EIF2AK4: variants seen among roughly 807,000 people sequenced by gnomAD.
The protein encoded by EIF2AK4 is eukaryotic translation initiation factor 2 alpha kinase 4.
Under a neutral mutation model 211.1 loss-of-function variants are expected in EIF2AK4, and 139 were observed. The observed-to-expected ratio is 0.66, with a 90% CI of 0.57 to 0.76. The LOEUF (loss-of-function observed/expected upper bound fraction) is 0.76, where lower values mean the gene tolerates loss of function less well. EIF2AK4 is among the 30% of genes least tolerant of loss of function. The pLI is 0.00. For synonymous variants in EIF2AK4, 710 were observed against 751.3 expected (o/e 0.94, Z 0.90); for missense variants, 1,664 against 2,043.8 (o/e 0.81, Z 3.58).
intron 18 of EIF2AK4, among the ~76,000 whole-genome samples, chr15:39,993,612 A>G (rs1055568274): frequency 6.6e-6 from 1 of 152,260 alleles, no homozygotes; most frequent in Non-Finnish European, 1.5e-5. Context: ...TAAGACAGCC[A>G]AAAGGAAGGC....
intron 1 of EIF2AK4, among the ~76,000 whole-genome samples, chr15:39,934,791 G>A (rs75692511): frequency 1.3e-5 from 2 of 152,292 alleles, no homozygotes; most frequent in East Asian, 3.9e-4. Flanking sequence ...TCTCATCCAT[G>A]CATTCAAATC....
In EIF2AK4 at chr15:40,034,389, C is replaced by G. The variant is rs762015746; in HGVS notation, c.4837C>G (p.Gln1613Glu). The change falls in exon 38 of 39, where the codon CAA (glutamine) becomes GAA (glutamate). Residue 1613 changes from glutamine to glutamate, a missense_variant. Around this residue, in one of 7 missense-constraint regions of EIF2AK4, gnomAD observed 138 missense variants for 165.1 expected, o/e 0.84. Transcript: ENST00000263791. ...GCAGCTGCTGTCACGCCTGCCAAAG[C>G]AAAGATACCTCAAATTAGTCTGTGA... is the stretch of plus-strand genomic sequence containing the variant. ...VKQLLSRLPKQRYLKLVCDEI... is the reference protein window; with the variant it reads ...VKQLLSRLPKERYLKLVCDEI... 1.9e-6 allele frequency: 3 copies of G among 1,613,972 alleles called. No homozygotes were observed. Among genetic ancestry groups the G allele is most frequent in the South Asian group, 1.1e-5 (1 of 91,058 alleles).
chr15:39,942,496 G>A (rs911203321), intron 2 of EIF2AK4, among the ~76,000 whole-genome samples: 9 of 152,180 alleles, frequency 5.9e-5, no homozygotes, highest in African/African-American at 2.2e-4. Flanking sequence ...ATAGATAAGT[G>A]CATACTCAAG....
At position 39,943,480 on chromosome 15, in the gene EIF2AK4, G is replaced by A; in HGVS notation, c.355G>A (p.Gly119Arg). 1 of 1,574,814 alleles carries A rather than the reference G, an allele frequency of 6.3e-7. No individual in the cohort carries two copies. Among genetic ancestry groups the A allele is most frequent in the Non-Finnish European group, 8.6e-7 (1 of 1,167,116 alleles). The change falls in exon 3 of 39, where the codon GGG becomes AGG. Residue 119 changes from glycine (G) to arginine (R), a missense_variant. This residue lies in a region of EIF2AK4 where 641 missense variants were observed against 729.6 expected (regional missense o/e 0.88). Transcript: ENST00000263791. ...RLEELAKKHC[G>R]EVMIFELAYH... ...AGAAGAACTGGCCAAGAAACACTGT[G>A]GGGAGGTAAGATTTGTTAAACTGGA...
chr15:39,946,891 A>G lies in EIF2AK4; in HGVS notation c.361-2225A>G, dbSNP rs115661612. The G allele has an allele frequency of 9.5e-4, 503 of 530,202 alleles. 2 individuals carry two copies. The highest frequency in any genetic ancestry group is 8.7e-3 in the African/African-American group (456 of 52,456). 32.8% of individuals were successfully genotyped at this position (530,202 alleles called of 1,614,324 possible). A position where few individuals can be genotyped will look rare whatever the true frequency, so the allele number is the denominator to read the frequency against. ...TTAGCAATAAAGTATTTTAAAATTA[A>G]GGTATATACATTGATTTCTACAGAC... On this transcript the variant is annotated intron_variant, in intron 3 of 38. Coordinates refer to ENST00000263791, the MANE Select transcript of EIF2AK4 (RefSeq NM_001013703.4).
At chr15:40,008,301 A>T in intron 25 of EIF2AK4, 106 bp downstream of exon 25, 1 of 1,011,998 alleles carries the variant, frequency 9.9e-7, no homozygotes, top group South Asian at 1.9e-5. Context: ...TGTCCTGCAG[A>T]TGAATCACAT....
chr15:40,023,968 CAACA>C (rs929571817), intron 32 of EIF2AK4, among the ~76,000 whole-genome samples: 1 of 152,146 alleles, frequency 6.6e-6, no homozygotes, highest in Non-Finnish European at 1.5e-5. Context: ...TAAAAAACAA[CAACA>C]AACAAAGGAG....
intron 14 of EIF2AK4, 75 bp from the exon 15 acceptor site, chr15:39,987,908 T>A: frequency 5.9e-6 from 9 of 1,523,146 alleles, no homozygotes; most frequent in Non-Finnish European, 8.1e-6. Flanking sequence ...AAATGGAGGA[T>A]TATGTAAATT....
At chr15:39,934,363 C>G (rs1243809566) in intron 1 of EIF2AK4, 24 bp downstream of exon 1, 11 of 1,590,394 alleles carry the variant, frequency 6.9e-6, no homozygotes, top group Non-Finnish European at 7.7e-6. Flanking sequence ...TTGTCAGGCC[C>G]GGGCTGGCGT....
chr15:40,004,432 G>T (rs2035132959), intron 23 of EIF2AK4, among the ~76,000 whole-genome samples: 1 of 152,186 alleles, frequency 6.6e-6, no homozygotes. Flanking sequence ...AAAGAACATT[G>T]AGCTAGGCAC....
At chr15:39,999,832 A>G (rs2035067985) in intron 20 of EIF2AK4, among the ~76,000 whole-genome samples, 1 of 152,166 alleles carries the variant, frequency 6.6e-6, no homozygotes, top group Non-Finnish European at 1.5e-5. Context: ...CCTTATGACA[A>G]GGTCAGTCTT....
chr15:40,018,808 C>A (rs2035343761), intron 29 of EIF2AK4, among the ~76,000 whole-genome samples: 2 of 152,102 alleles, frequency 1.3e-5, no homozygotes, highest in Admixed American at 1.3e-4. Flanking sequence ...TTTACATGTA[C>A]AGCATGTGTC....
chr15:39,962,897 T>C (rs2034492658), intron 7 of EIF2AK4, among the ~76,000 whole-genome samples: 1 of 152,208 alleles, frequency 6.6e-6, no homozygotes, highest in African/African-American at 2.4e-5. Flanking sequence ...AAACCATTTG[T>C]ACATAGTGAA....
At chr15:40,002,843 T>C in intron 22 of EIF2AK4, 55 bp downstream of exon 22, 1 of 1,578,294 alleles carries the variant, frequency 6.3e-7, no homozygotes, top group Non-Finnish European at 8.7e-7. Flanking sequence ...TTTTTCATCA[T>C]TAGAAAGTAC....
At chr15:39,939,730 T>C (rs2034118447) in intron 2 of EIF2AK4, 113 bp downstream of exon 2, 2 of 771,408 alleles carry the variant, frequency 2.6e-6, no homozygotes, top group African/African-American at 1.8e-5. Flanking sequence ...CCACATAAAA[T>C]TTCATTTCCT....
intron 7 of EIF2AK4, among the ~76,000 whole-genome samples, chr15:39,963,187 A>C (rs1214310848): frequency 6.6e-6 from 1 of 152,200 alleles, no homozygotes; most frequent in Non-Finnish European, 1.5e-5. Flanking sequence ...CCATATTTAG[A>C]CAAAGGAATC....
At chr15:40,016,310 G>C (rs1330762539) in intron 27 of EIF2AK4, among the ~76,000 whole-genome samples, 192 bp from the exon 28 acceptor site, 2 of 152,210 alleles carry the variant, frequency 1.3e-5, no homozygotes, top group African/African-American at 4.8e-5. Context: ...AAGCATTCCT[G>C]CAAGGTGCTT....
chr15:39,950,700 A>G (rs978204187), intron 4 of EIF2AK4, among the ~76,000 whole-genome samples: 1 of 152,132 alleles, frequency 6.6e-6, no homozygotes, highest in African/African-American at 2.4e-5. Flanking sequence ...AAATGTACTT[A>G]TTTTGATCCT....
chr15:40,023,181 ATAAGT>A (rs2035417208), intron 32 of EIF2AK4, among the ~76,000 whole-genome samples: 1 of 152,252 alleles, frequency 6.6e-6, no homozygotes. Flanking sequence ...GAAAATAAGA[ATAAGT>A]AAAGTTGTAT....
Sources: gnomAD v4.1 joint callset for allele counts (sites outside exome capture counted in the v4.1 genomes callset) on GRCh38, gnomAD v4.1.1 for gene constraint, gnomAD v4.1.1 regional missense constraint, MANE v1.5 for transcripts, NCBI Gene and HGNC (gene_info 2026-07-23, HGNC 2026-07-21) for gene names.